The following ARB2A variants were observed in gnomAD, a reference collection of about 807,000 sequenced individuals.
ARB2A encodes ARB2 cotranscriptional regulator A, also known as cotranscriptional regulator ARB2A.
the ARB2A span, among the ~76,000 whole-genome samples, chr5:93,767,486 A>C: frequency 1.3e-5 from 2 of 152,146 alleles, no homozygotes; most frequent in African/African-American, 4.8e-5. Context: ...AAGAACTAAA[A>C]GTAGAACTAC....
the ARB2A span, chr5:93,910,577 A>G: frequency 6.6e-6 from 1 of 151,514 alleles, no homozygotes; most frequent in Non-Finnish European, 1.5e-5. Flanking sequence ...TTTTAACAAT[A>G]CATACTATAC....
At chr5:94,051,852 C>T in the ARB2A span, among the ~76,000 whole-genome samples, 2 of 152,140 alleles carry the variant, frequency 1.3e-5, no homozygotes, top group East Asian at 3.9e-4. Context: ...TGGAGTCTCG[C>T]TCTGTCACCC....
the ARB2A span, among the ~76,000 whole-genome samples, chr5:93,950,959 T>A: frequency 6.4e-3 from 903 of 141,322 alleles, 6 homozygotes; most frequent in East Asian, 0.01. Context: ...AAAAAAAAAA[T>A]AAAATAAAAT....
chr5:93,646,434 C>CTA, the ARB2A span, among the ~76,000 whole-genome samples: 1 of 151,592 alleles, frequency 6.6e-6, no homozygotes, highest in Non-Finnish European at 1.5e-5. Context: ...CTTAATTACA[C>CTA]TTACATATGG....
the ARB2A span, among the ~76,000 whole-genome samples, chr5:93,879,827 T>C: frequency 1.3e-5 from 2 of 151,884 alleles, no homozygotes; most frequent in Non-Finnish European, 2.9e-5. Flanking sequence ...ATATACAATA[T>C]CATTTTGTTT....
the ARB2A span, among the ~76,000 whole-genome samples, chr5:93,768,350 A>G: frequency 6.6e-6 from 1 of 151,996 alleles, no homozygotes; most frequent in East Asian, 1.9e-4. Flanking sequence ...CCTATGGGAA[A>G]AAAAAACAGA....
chr5:94,041,371 G>A, the ARB2A span, among the ~76,000 whole-genome samples: 4 of 151,992 alleles, frequency 2.6e-5, no homozygotes, highest in Non-Finnish European at 4.4e-5. Flanking sequence ...TTGTAACCAC[G>A]TGGCCGTGCT....
chr5:93,962,997 T>C, the ARB2A span, among the ~76,000 whole-genome samples: 1 of 152,048 alleles, frequency 6.6e-6, no homozygotes, highest in Admixed American at 6.6e-5. Context: ...GAGACTGAAG[T>C]GAGTTTAAGG....
the ARB2A span, among the ~76,000 whole-genome samples, chr5:93,761,516 C>T: frequency 2.0e-5 from 3 of 152,106 alleles, no homozygotes; most frequent in East Asian, 1.9e-4. Context: ...GGGAAGGGCG[C>T]CCACCATTGC....
chr5:93,919,280 G>A, the ARB2A span, among the ~76,000 whole-genome samples: 1 of 151,882 alleles, frequency 6.6e-6, no homozygotes. Context: ...TAAAGATTTG[G>A]TAATTATCTC....
chr5:93,970,854 A>C, the ARB2A span, among the ~76,000 whole-genome samples: 1 of 152,210 alleles, frequency 6.6e-6, no homozygotes, highest in Non-Finnish European at 1.5e-5. Context: ...TTGCTTAGAA[A>C]GCCCTGATTT....
At chr5:93,926,204 A>G in the ARB2A span, among the ~76,000 whole-genome samples, 57 of 151,330 alleles carry the variant, frequency 3.8e-4, no homozygotes, top group East Asian at 8.8e-3. Context: ...ATCTCGGCTC[A>G]CCGCAACCTC....
At chr5:93,957,413 C>T in the ARB2A span, among the ~76,000 whole-genome samples, 2 of 152,110 alleles carry the variant, frequency 1.3e-5, no homozygotes, top group Non-Finnish European at 2.9e-5. Context: ...AATACATAGA[C>T]AGGATCTGTT....
At chr5:93,690,150 C>A in the ARB2A span, among the ~76,000 whole-genome samples, 11 of 152,164 alleles carry the variant, frequency 7.2e-5, no homozygotes, top group Non-Finnish European at 1.6e-4. Flanking sequence ...AACGAGCTAG[C>A]TGCAGGAGTT....
At chr5:93,857,130 C>T in the ARB2A span, among the ~76,000 whole-genome samples, 3 of 152,086 alleles carry the variant, frequency 2.0e-5, no homozygotes, top group South Asian at 2.1e-4. Context: ...GCTGTCTGAT[C>T]GTTCCTCTGG....
the ARB2A span, among the ~76,000 whole-genome samples, chr5:94,082,439 C>T: frequency 4.6e-5 from 7 of 152,110 alleles, no homozygotes; most frequent in African/African-American, 1.7e-4. Flanking sequence ...AAAATGAAGA[C>T]AAACTTGAGC....
At chr5:93,765,447 T>C in the ARB2A span, among the ~76,000 whole-genome samples, 1 of 152,166 alleles carries the variant, frequency 6.6e-6, no homozygotes, top group Non-Finnish European at 1.5e-5. Context: ...CATTCACAAT[T>C]GCTTCAAAGA....
At chr5:93,789,128 A>G in the ARB2A span, among the ~76,000 whole-genome samples, 4 of 152,332 alleles carry the variant, frequency 2.6e-5, no homozygotes, top group East Asian at 1.9e-4. Flanking sequence ...AAAATATTTT[A>G]AAGTCTTCTA....
At chr5:93,923,164 A>C in the ARB2A span, among the ~76,000 whole-genome samples, 2 of 152,052 alleles carry the variant, frequency 1.3e-5, no homozygotes, top group South Asian at 2.1e-4. Context: ...TAGATCAGTC[A>C]ATTTATATTT....
Sources: allele counts gnomAD v4.1 joint callset (sites outside exome capture counted in the v4.1 genomes callset), GRCh38; gene constraint gnomAD v4.1.1; transcripts MANE v1.5; gene names NCBI Gene and HGNC (gene_info 2026-07-23, HGNC 2026-07-21).